The following DIP2B variants were observed in gnomAD, a reference collection of about 807,000 sequenced individuals.
The protein encoded by DIP2B is disco-interacting protein 2 homolog B.
In DIP2B, 76 loss-of-function variants were observed where a neutral mutation model predicts 198.0. The ratio of observed to expected loss-of-function variants is 0.38; its 90% CI spans 0.32 to 0.46. The LOEUF (loss-of-function observed/expected upper bound fraction) is 0.46. Among genes scored for constraint, DIP2B ranks in the 20% least tolerant of loss-of-function variants. The probability of loss-of-function intolerance (pLI) is 0.99; values close to 1 mark genes in which losing one functional copy is unlikely to be tolerated. For missense variants in DIP2B, 1,559 were observed against 1,978.4 expected, an observed-to-expected ratio of 0.79 and a Z score of 4.02; for synonymous variants, 701 against 739.1, an observed-to-expected ratio of 0.95 and a Z score of 0.84.
In DIP2B at chr12:50,739,441, C is replaced by A; in HGVS notation, c.4209C>A (p.Gly1403=). 6.2e-7 allele frequency: 1 copy of A among 1,614,018 alleles called. No individual in the cohort carries two copies. The highest frequency in any genetic ancestry group is 8.5e-7 in the Non-Finnish European group (1 of 1,179,886). The change falls in exon 36 of 38, where the codon GGC becomes GGA. Residue 1403 remains glycine (G), a synonymous_variant. Coordinates refer to ENST00000301180, the MANE Select transcript of DIP2B (RefSeq NM_173602.3). ...IWVNSPHTAS[G]YYTIYDSETL... ...TGAACAGTCCCCATACAGCCAGCGG[C>A]TACTACACCATCTATGATAGCGAGA...
intron 1 of DIP2B, among the ~76,000 whole-genome samples, chr12:50,564,446 A>G (rs538194949): frequency 4.2e-4 from 64 of 152,260 alleles, no homozygotes; most frequent in Non-Finnish European, 7.2e-4. Flanking sequence ...ATTGTGCAAC[A>G]TTTCCTATTT....
chr12:50,518,949 G>A (rs572404958), intron 1 of DIP2B, among the ~76,000 whole-genome samples: 1 of 152,040 alleles, frequency 6.6e-6, no homozygotes, highest in African/African-American at 2.4e-5. Flanking sequence ...CTTTGTTGCT[G>A]CCCAGGCTGG....
At chr12:50,548,411 A>C (rs1189401269) in intron 1 of DIP2B, among the ~76,000 whole-genome samples, 2 of 152,246 alleles carry the variant, frequency 1.3e-5, no homozygotes, top group South Asian at 4.1e-4. Flanking sequence ...TGTTGTGTAT[A>C]TGTGTATATA....
At chr12:50,578,504 CTTTTTTTT>C (rs62685162) in intron 1 of DIP2B, among the ~76,000 whole-genome samples, 1 of 111,604 alleles carries the variant, frequency 9.0e-6, no homozygotes. Context: ...GTTATTTGCT[CTTTTTTTT>C]TTTTTTTTTT....
intron 4 of DIP2B, among the ~76,000 whole-genome samples, chr12:50,670,617 G>A (rs1384917708): frequency 3.3e-5 from 5 of 151,786 alleles, no homozygotes; most frequent in African/African-American, 9.7e-5. Context: ...GGGTTTCACC[G>A]TGTTGGCCAG....
At chr12:50,545,382 T>TCTCCCCTCCC (rs1958367705) in intron 1 of DIP2B, among the ~76,000 whole-genome samples, 1 of 88,450 alleles carries the variant, frequency 1.1e-5, no homozygotes, top group Admixed American at 1.7e-4. Flanking sequence ...TCTCCCCTCC[T>TCTCCCCTCCC]CTCCCCTCCC....
chr12:50,623,192 C>T (rs932855424), intron 1 of DIP2B, among the ~76,000 whole-genome samples: 1 of 151,534 alleles, frequency 6.6e-6, no homozygotes, highest in African/African-American at 2.4e-5. Flanking sequence ...AAGACCAGCC[C>T]GGGCAACAAA....
intron 1 of DIP2B, among the ~76,000 whole-genome samples, chr12:50,609,281 T>G (rs1048541236): frequency 3.9e-5 from 6 of 152,266 alleles, no homozygotes; most frequent in Admixed American, 1.3e-4. Flanking sequence ...GTAGCAGCAA[T>G]TATTTGTTGC....
At chr12:50,599,931 T>G (rs1239968549) in intron 1 of DIP2B, among the ~76,000 whole-genome samples, 1 of 152,210 alleles carries the variant, frequency 6.6e-6, no homozygotes, top group Non-Finnish European at 1.5e-5. Context: ...TGACAACAGT[T>G]CTCTAAGGAC....
chr12:50,716,905 A>G (rs1939729296), intron 23 of DIP2B, among the ~76,000 whole-genome samples: 1 of 147,098 alleles, frequency 6.8e-6, no homozygotes. Context: ...AAGTTAGACG[A>G]ATAGTATAGT....
intron 3 of DIP2B, among the ~76,000 whole-genome samples, chr12:50,653,330 T>TTC (rs1391318744): frequency 2.9e-4 from 42 of 144,728 alleles, no homozygotes; most frequent in African/African-American, 1.0e-3. Context: ...CTTTCTTTCT[T>TTC]TTTTTTTTTT....
At chr12:50,610,236 T>C (rs1315235277) in intron 1 of DIP2B, among the ~76,000 whole-genome samples, 1 of 152,190 alleles carries the variant, frequency 6.6e-6, no homozygotes, top group East Asian at 1.9e-4. Context: ...AGATGTGTGG[T>C]GATATTTGTT....
intron 1 of DIP2B, among the ~76,000 whole-genome samples, chr12:50,616,789 G>A (rs1011928678): frequency 2.0e-5 from 3 of 152,128 alleles, no homozygotes; most frequent in Admixed American, 2.0e-4. Flanking sequence ...TGCATTGGAT[G>A]GAATTATCAT....
intron 13 of DIP2B, among the ~76,000 whole-genome samples, chr12:50,692,394 G>GA (rs1358004126): frequency 6.6e-6 from 1 of 151,554 alleles, no homozygotes; most frequent in Non-Finnish European, 1.5e-5. Context: ...GCATATTTAG[G>GA]AAAAAAATAC....
In DIP2B at chr12:50,678,891, T is replaced by A; in HGVS notation, c.1114+15T>A. 1 of 1,613,928 alleles carries A rather than the reference T, an allele frequency of 6.2e-7. No homozygotes were observed. Among genetic ancestry groups the A allele is most frequent in the Non-Finnish European group, 8.5e-7 (1 of 1,179,808 alleles). On this transcript the variant is annotated intron_variant, in intron 8 of 37. Transcript: ENST00000301180. ...TCTTACATATGGTGAGTCTGCAAGA[T>A]TCCAGATCCTTCTCTCCTGAGAGTT... is the stretch of plus-strand genomic sequence containing the variant.
At chr12:50,733,625 G>A (rs1940087260) in intron 32 of DIP2B, among the ~76,000 whole-genome samples, 1 of 152,178 alleles carries the variant, frequency 6.6e-6, no homozygotes, top group South Asian at 2.1e-4. Flanking sequence ...GATTGCTTGA[G>A]CCCAGGAGGT....
chr12:50,654,575 C>A (rs1938522259), intron 3 of DIP2B, among the ~76,000 whole-genome samples: 2 of 152,092 alleles, frequency 1.3e-5, no homozygotes, highest in Non-Finnish European at 1.5e-5. Flanking sequence ...TGGTCTCTTA[C>A]CCTTGGGCTC....
At chr12:50,543,780 T>G (rs1364898584) in intron 1 of DIP2B, among the ~76,000 whole-genome samples, 1 of 151,376 alleles carries the variant, frequency 6.6e-6, no homozygotes, top group African/African-American at 2.4e-5. Flanking sequence ...AAACATTAGC[T>G]GGGCATAGTG....
chr12:50,530,906 A>G (rs886161637), intron 1 of DIP2B, among the ~76,000 whole-genome samples: 3 of 152,164 alleles, frequency 2.0e-5, no homozygotes, highest in African/African-American at 7.2e-5. Flanking sequence ...GGGGACATGC[A>G]AATGGAGATC....
Sources: gnomAD v4.1 joint callset for allele counts (sites outside exome capture counted in the v4.1 genomes callset) on GRCh38, gnomAD v4.1.1 for gene constraint, MANE v1.5 for transcripts, NCBI Gene and HGNC (gene_info 2026-07-23, HGNC 2026-07-21) for gene names.